DNER: variants seen among roughly 807,000 people sequenced by gnomAD.
DNER encodes delta and Notch-like epidermal growth factor-related receptor.
DNER carries 33 observed loss-of-function variants against 78.2 expected under a neutral mutation model. The ratio of observed to expected loss-of-function variants is 0.42; its 90% CI spans 0.32 to 0.56. The LOEUF (loss-of-function observed/expected upper bound fraction) is 0.56. Ranked by LOEUF, DNER falls within the 20% of genes least tolerant of loss-of-function variation. DNER has a pLI of 0.11. For synonymous variants in DNER, 417 were observed against 384.8 expected, an observed-to-expected ratio of 1.08 and a Z score of -0.98; for missense variants, 918 against 975.3, an observed-to-expected ratio of 0.94 and a Z score of 0.78.
At chr2:229,421,784 C>G (rs1693771854) in intron 8 of DNER, among the ~76,000 whole-genome samples, 1 of 151,996 alleles carries the variant, frequency 6.6e-6, no homozygotes, top group Non-Finnish European at 1.5e-5. Context: ...CAATCACCAG[C>G]AGCACCTTTT....
chr2:229,383,613 G>A (rs1356519938), intron 11 of DNER, among the ~76,000 whole-genome samples: 1 of 152,114 alleles, frequency 6.6e-6, no homozygotes, highest in African/African-American at 2.4e-5. Context: ...TTCAATTCTA[G>A]TCTCTAATAA....
chr2:229,493,295 G>C (rs1348510160), intron 6 of DNER, among the ~76,000 whole-genome samples: 1 of 152,172 alleles, frequency 6.6e-6, no homozygotes, highest in African/African-American at 2.4e-5. Flanking sequence ...TAATATTTTG[G>C]CAGTGGTGGT....
intron 6 of DNER, among the ~76,000 whole-genome samples, chr2:229,510,221 G>C (rs1020152396): frequency 6.6e-6 from 1 of 152,240 alleles, no homozygotes; most frequent in Admixed American, 6.5e-5. Flanking sequence ...TCCTGGTGCA[G>C]AATGAGGCCA....
chr2:229,479,685 C>T (rs1456489906), intron 6 of DNER, among the ~76,000 whole-genome samples: 1 of 150,212 alleles, frequency 6.7e-6, no homozygotes, highest in Non-Finnish European at 1.5e-5. Context: ...TGCACTCCAG[C>T]CTGGACAATG....
At chr2:229,617,557 A>T (rs1019425600) in intron 1 of DNER, among the ~76,000 whole-genome samples, 1 of 151,810 alleles carries the variant, frequency 6.6e-6, no homozygotes, top group Non-Finnish European at 1.5e-5. Context: ...ACAAAAAAAA[A>T]GTTTATATTT....
intron 11 of DNER, among the ~76,000 whole-genome samples, chr2:229,383,169 G>A (rs1206186750): frequency 6.6e-6 from 1 of 152,030 alleles, no homozygotes; most frequent in Non-Finnish European, 1.5e-5. Context: ...CCTAAGTTTC[G>A]TAAGTGAAGG....
At chr2:229,512,673 T>A in intron 6 of DNER, 110 bp downstream of exon 6, 2 of 1,436,514 alleles carry the variant, frequency 1.4e-6, no homozygotes, top group Non-Finnish European at 1.9e-6. Flanking sequence ...AAGAACTTAC[T>A]CATGTAACCA....
rs189214031 is a variant in DNER, at chr2:229,602,692, A to C, written c.277-10804T>G. Among the ~76,000 whole-genome samples, 5 of 152,318 alleles carry C rather than the reference A, an allele frequency of 3.3e-5. No individual in the cohort carries two copies. The East Asian group carries it at 9.6e-4, about 29-fold the overall frequency. Reference sequence around the variant, plus strand: ...AGCAAACTAAAGATCCTTTTCTCAAAGGTACAGTTTATAATAGATGAAAAA... The same window carrying C: ...AGCAAACTAAAGATCCTTTTCTCAACGGTACAGTTTATAATAGATGAAAAA... On this transcript the variant is annotated intron_variant, in intron 1 of 12. Coordinates refer to ENST00000341772, the MANE Select transcript of DNER (RefSeq NM_139072.4).
chr2:229,530,798 C>CA (rs1696286684), intron 5 of DNER, among the ~76,000 whole-genome samples: 1 of 152,210 alleles, frequency 6.6e-6, no homozygotes, highest in Admixed American at 6.5e-5. Context: ...CTGATCTTAG[C>CA]CTTCAAATGC....
intron 6 of DNER, among the ~76,000 whole-genome samples, chr2:229,505,701 T>G (rs1217192130): frequency 6.6e-6 from 1 of 152,168 alleles, no homozygotes; most frequent in Non-Finnish European, 1.5e-5. Flanking sequence ...TTCTCACACA[T>G]GGAAAACTAA....
chr2:229,502,907 T>A (rs1320246776), intron 6 of DNER, among the ~76,000 whole-genome samples: 1 of 152,186 alleles, frequency 6.6e-6, no homozygotes, highest in East Asian at 1.9e-4. Context: ...AGATATTTTT[T>A]TCCTCTGGCT....
intron 5 of DNER, among the ~76,000 whole-genome samples, chr2:229,542,560 A>G (rs1696536135): frequency 6.6e-6 from 1 of 152,210 alleles, no homozygotes; most frequent in Admixed American, 6.5e-5. Flanking sequence ...ATGAGAAACA[A>G]TAAAATTAAA....
chr2:229,499,359 C>T (rs12467839), intron 6 of DNER, among the ~76,000 whole-genome samples: 18,751 of 150,294 alleles, frequency 0.12, 1,301 homozygotes, highest in South Asian at 0.2. Flanking sequence ...GCAGGAGAAT[C>T]GCTTGAACCC....
At chr2:229,458,363 C>G (rs542848218) in intron 7 of DNER, among the ~76,000 whole-genome samples, 97 of 151,692 alleles carry the variant, frequency 6.4e-4, no homozygotes, top group Non-Finnish European at 1.2e-3. Flanking sequence ...AAGAGAGCTT[C>G]AAAATACATG....
intron 8 of DNER, among the ~76,000 whole-genome samples, chr2:229,445,797 GT>G (rs1694330200): frequency 6.6e-6 from 1 of 152,088 alleles, no homozygotes; most frequent in African/African-American, 2.4e-5. Flanking sequence ...TCTGTCTCCT[GT>G]TTCTCCGGAG....
At chr2:229,407,102 C>A in intron 10 of DNER, 130 bp downstream of exon 10, 1 of 776,852 alleles carries the variant, frequency 1.3e-6, no homozygotes, top group Non-Finnish European at 2.1e-6. Context: ...CCAAGCCATG[C>A]CTCCTTACAT....
intron 10 of DNER, among the ~76,000 whole-genome samples, chr2:229,401,512 T>C (rs1259584277): frequency 6.6e-6 from 1 of 152,052 alleles, no homozygotes; most frequent in Non-Finnish European, 1.5e-5. Context: ...GAGAAATTAT[T>C]GACCCAAAAT....
At chr2:229,504,704 C>T (rs1220454563) in intron 6 of DNER, among the ~76,000 whole-genome samples, 1 of 152,172 alleles carries the variant, frequency 6.6e-6, no homozygotes, top group African/African-American at 2.4e-5. Flanking sequence ...TTAAACCATG[C>T]ATTTGTGACA....
chr2:229,431,248 A>G lies in DNER; in HGVS notation c.1487-13018T>C, dbSNP rs116726450. Among the ~76,000 whole-genome samples the G allele has an allele frequency of 7.4e-3, 1,125 of 152,314 alleles. 13 individuals are homozygous for G. Among genetic ancestry groups the G allele is most frequent in the African/African-American group, 0.026 (1,064 of 41,564 alleles). ...TCAAAAACATTTAAGAAAATCTGGG[A>G]CTATATGGAAGACGACAGCTCACTT... is the stretch of plus-strand genomic sequence containing the variant. On this transcript the variant is annotated intron_variant, in intron 8 of 12. Coordinates refer to ENST00000341772, the MANE Select transcript of DNER (RefSeq NM_139072.4).
Sources: allele counts gnomAD v4.1 joint callset (sites outside exome capture counted in the v4.1 genomes callset), GRCh38; gene constraint gnomAD v4.1.1; transcripts MANE v1.5; gene names NCBI Gene and HGNC (gene_info 2026-07-23, HGNC 2026-07-21).